Variants in PRKCE observed in about 807,000 individuals in gnomAD.
PRKCE encodes protein kinase C epsilon.
Under a neutral mutation model 85.4 loss-of-function variants are expected in PRKCE, and 16 were observed. The observed-to-expected ratio is 0.19, with a 90% CI of 0.13 to 0.28. PRKCE has a LOEUF of 0.28. Among genes scored for constraint, PRKCE ranks in the 10% least tolerant of loss-of-function variants. The probability of loss-of-function intolerance (pLI) is 1.00; values close to 1 mark genes in which losing one functional copy is unlikely to be tolerated. For missense variants in PRKCE, 573 were observed against 975.2 expected (o/e 0.59, Z 5.49); for synonymous variants, 388 against 371.5 (o/e 1.04, Z -0.51).
intron 1 of PRKCE, among the ~76,000 whole-genome samples, chr2:45,802,500 G>A (rs148190107): frequency 6.1e-4 from 93 of 152,174 alleles, no homozygotes; most frequent in African/African-American, 2.1e-3. Context: ...AAACCTCAAC[G>A]GAGTAGACTA....
intron 11 of PRKCE, among the ~76,000 whole-genome samples, chr2:46,131,777 C>T (rs946625999): frequency 6.6e-6 from 1 of 152,182 alleles, no homozygotes; most frequent in Non-Finnish European, 1.5e-5. Context: ...GGGCATGTCT[C>T]CCAGTGTCAC....
At chr2:45,761,564 C>A (rs1684503364) in intron 1 of PRKCE, among the ~76,000 whole-genome samples, 1 of 151,976 alleles carries the variant, frequency 6.6e-6, no homozygotes, top group African/African-American at 2.4e-5. Context: ...TCTCTCAAGC[C>A]CCCAGCCTGA....
Position 45,760,577 on chromosome 2 carries a change from A to G in PRKCE, c.349-82423A>G, listed in dbSNP as rs77238001. ...CACCAAGGCGTGACACGATGAAGGT[A>G]ATTTGGCCAGTGGCTAAGCTGGCAA... On this transcript the variant is annotated intron_variant, in intron 1 of 14. Transcript: ENST00000306156. 3.4e-3 allele frequency among the ~76,000 whole-genome samples: 511 copies of G among 152,338 alleles called. 4 individuals are homozygous for G. Among genetic ancestry groups the G allele is most frequent in the African/African-American group, 0.011 (476 of 41,576 alleles).
At chr2:46,058,447 A>C (rs1008639604) in intron 10 of PRKCE, among the ~76,000 whole-genome samples, 1 of 152,216 alleles carries the variant, frequency 6.6e-6, no homozygotes, top group African/African-American at 2.4e-5. Context: ...TAATCAACCA[A>C]ACTTCAACTA....
At chr2:45,878,960 A>G (rs74916779) in intron 2 of PRKCE, among the ~76,000 whole-genome samples, 3,596 of 152,338 alleles carry the variant, frequency 0.024, 87 homozygotes, top group African/African-American at 0.064. Flanking sequence ...TAATTATGAT[A>G]GGGACAGGAC....
intron 1 of PRKCE, among the ~76,000 whole-genome samples, chr2:45,756,584 AC>A (rs1684024868): frequency 6.6e-6 from 1 of 152,204 alleles, no homozygotes; most frequent in Non-Finnish European, 1.5e-5. Flanking sequence ...ACTGGAAACA[AC>A]CCAATCTTTC....
rs868235710 is a variant in PRKCE, at chr2:45,993,566, A to G, written c.824-7838A>G. Among the ~76,000 whole-genome samples, 5 of 152,250 alleles carry G rather than the reference A, an allele frequency of 3.3e-5. No homozygotes were observed. In the South Asian group the frequency reaches 8.3e-4, roughly 25 times the overall value. ...CCAGCCCAAGTTGTTTTGTCAGGACAGACAGGTCTGGCATTTCAACACCAG... is the reference window on the plus strand; with the variant it reads ...CCAGCCCAAGTTGTTTTGTCAGGACGGACAGGTCTGGCATTTCAACACCAG... On this transcript the variant is annotated intron_variant, in intron 6 of 14. Coordinates refer to ENST00000306156, the MANE Select transcript of PRKCE (RefSeq NM_005400.3).
chr2:45,944,464 A>T (rs1700094328), intron 2 of PRKCE, among the ~76,000 whole-genome samples: 2 of 152,070 alleles, frequency 1.3e-5, no homozygotes. Flanking sequence ...GTTTTACTTT[A>T]TGTAAATTCG....
intron 1 of PRKCE, among the ~76,000 whole-genome samples, chr2:45,663,766 G>C (rs1675786521): frequency 6.6e-6 from 1 of 151,924 alleles, no homozygotes; most frequent in South Asian, 2.1e-4. Context: ...CTGGGTGACA[G>C]AGCGAGACTC....
intron 10 of PRKCE, among the ~76,000 whole-genome samples, chr2:46,044,148 C>G (rs570673640): frequency 7.2e-4 from 109 of 152,196 alleles, no homozygotes; most frequent in African/African-American, 2.6e-3. Flanking sequence ...GTGTTCAAAC[C>G]CTGGTTTAGA....
chr2:45,819,539 C>G (rs757636009), intron 1 of PRKCE, among the ~76,000 whole-genome samples: 1 of 152,212 alleles, frequency 6.6e-6, no homozygotes, highest in African/African-American at 2.4e-5. Context: ...TCTCTTCCAC[C>G]TTGCTCCCTG....
intron 10 of PRKCE, among the ~76,000 whole-genome samples, chr2:46,065,414 G>T (rs1218142480): frequency 6.6e-6 from 1 of 152,126 alleles, no homozygotes; most frequent in Admixed American, 6.6e-5. Context: ...TTCACGTAAA[G>T]AATTTCTCTG....
At chr2:45,700,411 G>C (rs1286903357) in intron 1 of PRKCE, 1 of 152,300 alleles carries the variant, frequency 6.6e-6, no homozygotes, top group South Asian at 2.1e-4. Flanking sequence ...TCCTTGGTCG[G>C]TATGCTTGAG....
At chr2:46,013,312 C>G (rs1172360052) in intron 10 of PRKCE, among the ~76,000 whole-genome samples, 1 of 152,198 alleles carries the variant, frequency 6.6e-6, no homozygotes, top group South Asian at 2.1e-4. Context: ...GAAGACAGTT[C>G]TCACGTGGAA....
At chr2:45,943,958 C>T (rs1358755737) in intron 2 of PRKCE, among the ~76,000 whole-genome samples, 1 of 152,226 alleles carries the variant, frequency 6.6e-6, no homozygotes, top group Non-Finnish European at 1.5e-5. Flanking sequence ...CGTGGTTTTA[C>T]AGTTTTGGAA....
rs180939646 is a variant in PRKCE at position 45,676,520 on chromosome 2, G to A, written c.348+24072G>A. 1.9e-3 allele frequency among the ~76,000 whole-genome samples: 297 copies of A among 152,348 alleles called. 1 individual carries two copies. The highest frequency in any genetic ancestry group is 6.9e-3 in the African/African-American group (286 of 41,572). Reference sequence around the variant, plus strand: ...AACTAAGTTTATAAGACTAGAGTATGGATAGAGAGGAAGATGGTTCTATTG... The same window carrying A: ...AACTAAGTTTATAAGACTAGAGTATAGATAGAGAGGAAGATGGTTCTATTG... On this transcript the variant is annotated intron_variant, in intron 1 of 14. Transcript: ENST00000306156.
rs1407609605 is a variant in PRKCE, at chr2:46,185,478, G to A, written c.*597G>A. 6.5e-6 allele frequency: 1 copy of A among 152,712 alleles called. No individual in the cohort carries two copies. Among genetic ancestry groups the A allele is most frequent in the Non-Finnish European group, 1.5e-5 (1 of 68,086 alleles). The allele number at this position is 152,712 out of a possible 1,614,324, so 9.5% of individuals were successfully genotyped here. A position where few individuals can be genotyped will look rare whatever the true frequency, so the allele number is the denominator to read the frequency against. ...GAATGGCTAACTCTTGCCTGCTTTG[G>A]TTTTAGCTTTTCAGCATGCCAAAGT... On this transcript the variant is annotated 3_prime_UTR_variant, in exon 15 of 15. Coordinates refer to ENST00000306156, the MANE Select transcript of PRKCE (RefSeq NM_005400.3). This position sits in a 1 kb window ranked among gnomAD's most constrained non-coding sequence, Gnocchi z 4.7.
chr2:45,830,980 C>A (rs1035289227), intron 1 of PRKCE, among the ~76,000 whole-genome samples: 1 of 152,294 alleles, frequency 6.6e-6, no homozygotes, highest in Non-Finnish European at 1.5e-5. Flanking sequence ...TGGCTGCACC[C>A]AGCAGAACAG....
intron 8 of PRKCE, among the ~76,000 whole-genome samples, chr2:46,005,167 T>C (rs1353433668): frequency 6.6e-6 from 1 of 152,178 alleles, no homozygotes; most frequent in African/African-American, 2.4e-5. Flanking sequence ...AGAAAAGAAG[T>C]GGGAAGGAGG....
Sources: allele counts gnomAD v4.1 joint callset (sites outside exome capture counted in the v4.1 genomes callset), GRCh38; gene constraint gnomAD v4.1.1; non-coding constraint Gnocchi (gnomAD v3.1); transcripts MANE v1.5; gene names NCBI Gene and HGNC (gene_info 2026-07-23, HGNC 2026-07-21).